Variants in ATRNL1 observed in about 807,000 individuals in gnomAD.
The protein encoded by ATRNL1 is attractin like 1.
Under a neutral mutation model 182.7 loss-of-function variants are expected in ATRNL1, and 95 were observed. That is an observed-to-expected ratio of 0.52 (90% CI 0.44 to 0.62). The LOEUF (loss-of-function observed/expected upper bound fraction) is 0.62. Ranked by LOEUF, ATRNL1 falls within the 20% of genes least tolerant of loss-of-function variation. ATRNL1 has a pLI of 0.00. For missense variants in ATRNL1, 1,471 were observed against 1,679.5 expected (o/e 0.88, Z 2.17); for synonymous variants, 576 against 568.3 (o/e 1.01, Z -0.19).
intron 27 of ATRNL1, among the ~76,000 whole-genome samples, chr10:115,763,303 A>T (rs1268226428): frequency 2.0e-5 from 3 of 152,208 alleles, no homozygotes; most frequent in African/African-American, 7.2e-5. Context: ...TGAGACTCAC[A>T]TAATCTACTA....
intron 26 of ATRNL1, among the ~76,000 whole-genome samples, chr10:115,662,718 C>T (rs1432285410): frequency 6.6e-6 from 1 of 151,994 alleles, no homozygotes; most frequent in African/African-American, 2.4e-5. Flanking sequence ...TGATAGAAGG[C>T]AAATTCCACC....
intron 1 of ATRNL1, among the ~76,000 whole-genome samples, chr10:115,110,701 A>G (rs1335183038): frequency 6.6e-6 from 1 of 152,218 alleles, no homozygotes; most frequent in Non-Finnish European, 1.5e-5. Flanking sequence ...TTAGCAATAC[A>G]TAGTTGAAAA....
chr10:115,790,479 T>A (rs1254749058), intron 27 of ATRNL1, among the ~76,000 whole-genome samples: 1 of 152,132 alleles, frequency 6.6e-6, no homozygotes, highest in Admixed American at 6.5e-5. Flanking sequence ...GAATTTTAGC[T>A]GATTTAATAT....
intron 28 of ATRNL1, among the ~76,000 whole-genome samples, chr10:115,848,364 T>C (rs1259992158): frequency 6.6e-6 from 1 of 152,146 alleles, no homozygotes; most frequent in East Asian, 1.9e-4. Context: ...GGAAACCAAA[T>C]TATAAATATG....
At chr10:115,743,454 G>A (rs1287200181) in intron 27 of ATRNL1, among the ~76,000 whole-genome samples, 10 of 151,632 alleles carry the variant, frequency 6.6e-5, no homozygotes, top group African/African-American at 1.2e-4. Context: ...CTTAAAGTTC[G>A]AAACAAAAGA....
intron 26 of ATRNL1, among the ~76,000 whole-genome samples, chr10:115,654,964 G>T (rs558651050): frequency 6.6e-6 from 1 of 152,270 alleles, no homozygotes; most frequent in Admixed American, 6.5e-5. Flanking sequence ...TGTTTGTTCT[G>T]GGTAGGCCAG....
chr10:115,759,913 C>T (rs1332825756), intron 27 of ATRNL1, among the ~76,000 whole-genome samples: 3 of 139,552 alleles, frequency 2.1e-5, no homozygotes, highest in Non-Finnish European at 3.0e-5. Flanking sequence ...AGACTGATCT[C>T]GAACTCTTGA....
chr10:115,299,413 T>A (rs1396625510), intron 15 of ATRNL1, among the ~76,000 whole-genome samples: 1 of 152,072 alleles, frequency 6.6e-6, no homozygotes, highest in Non-Finnish European at 1.5e-5. Flanking sequence ...ATTTTATTAC[T>A]TTTGTTGTTT....
intron 15 of ATRNL1, among the ~76,000 whole-genome samples, chr10:115,287,927 T>G (rs1230219535): frequency 4.2e-5 from 4 of 95,918 alleles, no homozygotes; most frequent in Non-Finnish European, 8.8e-5. Context: ...ATCAACTGTT[T>G]TTTTTTTTTT....
chr10:115,302,129 G>T, intron 17 of ATRNL1, 86 bp downstream of exon 17: 1 of 1,277,988 alleles, frequency 7.8e-7, no homozygotes, highest in East Asian at 2.5e-5. Flanking sequence ...AATATTTGAA[G>T]AAGTTTCAAA....
chr10:115,734,280 A>G (rs1555064553), intron 27 of ATRNL1, among the ~76,000 whole-genome samples: 1 of 152,132 alleles, frequency 6.6e-6, no homozygotes, highest in Non-Finnish European at 1.5e-5. Context: ...TGTTCACACT[A>G]TCTTTAGCAA....
At chr10:115,334,948 C>T (rs1855412039) in intron 19 of ATRNL1, among the ~76,000 whole-genome samples, 1 of 151,760 alleles carries the variant, frequency 6.6e-6, no homozygotes, top group African/African-American at 2.4e-5. Context: ...CTTATTTTTC[C>T]CATATGTAAA....
intron 23 of ATRNL1, among the ~76,000 whole-genome samples, chr10:115,468,687 A>AT (rs1213435940): frequency 6.6e-6 from 1 of 150,608 alleles, no homozygotes; most frequent in Admixed American, 6.6e-5. Flanking sequence ...AAATAAATTG[A>AT]TTTTTTCCCA....
At chr10:115,096,330 C>T (rs904986123) in intron 1 of ATRNL1, among the ~76,000 whole-genome samples, 1 of 152,000 alleles carries the variant, frequency 6.6e-6, no homozygotes, top group African/African-American at 2.4e-5. Flanking sequence ...ATAAAGAACA[C>T]ATTGGTATTT....
At chr10:115,769,807 T>C (rs1389762607) in intron 27 of ATRNL1, among the ~76,000 whole-genome samples, 3 of 152,196 alleles carry the variant, frequency 2.0e-5, no homozygotes, top group Non-Finnish European at 4.4e-5. Context: ...GGGCTTCCAA[T>C]GCCTGTTACA....
intron 28 of ATRNL1, among the ~76,000 whole-genome samples, chr10:115,890,073 G>T (rs1952043337): frequency 6.6e-6 from 1 of 152,096 alleles, no homozygotes; most frequent in African/African-American, 2.4e-5. Flanking sequence ...GCACAGATAA[G>T]ACTAGCTTTT....
rs1430337385 is a variant in ATRNL1, at chr10:115,945,877, T to C, written c.*1098T>C. On this transcript the variant is annotated 3_prime_UTR_variant, in exon 29 of 29. Transcript: ENST00000355044. The stretch of plus-strand genomic sequence containing the variant: ...CTTCTTCCCAACACGAGCGCATCCA[T>C]GTCCTGAGAAAAAGTCTGTGGTTTA... The C allele has an allele frequency of 1.3e-5, 2 of 152,174 alleles. No individual in the cohort carries two copies. Among genetic ancestry groups the C allele is most frequent in the South Asian group, 2.1e-4 (1 of 4,822 alleles). 9.4% of individuals were successfully genotyped at this position (152,174 alleles called of 1,614,324 possible). A position where few individuals can be genotyped will look rare whatever the true frequency, so the allele number is the denominator to read the frequency against.
At position 115,093,912 on chromosome 10, in the gene ATRNL1, C is replaced by T. The variant is rs2084942142; in HGVS notation, c.162C>T (p.Tyr54=). ...LCYGFLYLAL[Y]AQVSQSKPCE... ...ATGGCTTCCTCTACCTGGCGCTCTA[C>T]GCGCAGGTGTCCCAGTCCAAGCCGT... Residue 54 remains tyrosine (Y), a synonymous_variant, in exon 1 of 29, where the codon TAC becomes TAT. Transcript: ENST00000355044. This position sits in a 1 kb window ranked among gnomAD's most constrained non-coding sequence, Gnocchi z 6.1. 2 of 1,597,258 alleles carry T rather than the reference C, an allele frequency of 1.3e-6. No homozygotes were observed. Among genetic ancestry groups the T allele is most frequent in the Non-Finnish European group, 1.7e-6 (2 of 1,173,520 alleles).
intron 26 of ATRNL1, among the ~76,000 whole-genome samples, chr10:115,607,277 T>C (rs1477315438): frequency 6.6e-6 from 1 of 151,894 alleles, no homozygotes; most frequent in Non-Finnish European, 1.5e-5. Context: ...AAAACAGCAT[T>C]TAGTTATTGT....
Sources: allele counts gnomAD v4.1 joint callset (sites outside exome capture counted in the v4.1 genomes callset), GRCh38; gene constraint gnomAD v4.1.1; non-coding constraint Gnocchi (gnomAD v3.1); transcripts MANE v1.5; gene names NCBI Gene and HGNC (gene_info 2026-07-23, HGNC 2026-07-21).